The following MMACHC variants were observed in gnomAD, a reference collection of about 807,000 sequenced individuals.
The protein encoded by MMACHC is metabolism of cobalamin associated C.
A neutral mutation model predicts 17.6 loss-of-function variants in MMACHC; 14 were observed. The observed-to-expected ratio is 0.80, with a 90% CI of 0.53 to 1.25. The LOEUF is 1.25. Ranked by LOEUF, MMACHC falls within the 50% of genes most tolerant of loss-of-function variation. MMACHC has a pLI of 0.00. For missense variants in MMACHC, 392 were observed against 364.5 expected, an observed-to-expected ratio of 1.08 and a Z score of -0.62; for synonymous variants, 151 against 142.1, an observed-to-expected ratio of 1.06 and a Z score of -0.45.
chr1:45,507,563 C>G lies in MMACHC; in HGVS notation c.276+13C>G, dbSNP rs543041810. 3.7e-6 allele frequency: 6 copies of G among 1,613,850 alleles called. No homozygotes were observed. The African/African-American group carries it at 4.0e-5, about 11-fold the overall frequency. On this transcript the variant is annotated intron_variant, in intron 2 of 3. Transcript: ENST00000401061. Reference sequence around the variant, plus strand: ...CCGTGTTAGAGAGGTGAGGAAGGCTCAGTTTTCCCCCAGCTCCCAAACCTA... The same window carrying G: ...CCGTGTTAGAGAGGTGAGGAAGGCTGAGTTTTCCCCCAGCTCCCAAACCTA...
Position 45,507,349 on chromosome 1 carries a change from G to A in MMACHC, c.82-7G>A. 2.5e-6 allele frequency: 4 copies of A among 1,614,024 alleles called. No homozygotes were observed. The highest frequency in any genetic ancestry group is 3.4e-6 in the Non-Finnish European group (4 of 1,179,976). ...CTCTCCAGCCTGGCCTGAACTTTCT[G>A]TTTCAGGTGGCATGGTACAATGAAC... is the stretch of plus-strand genomic sequence containing the variant. On this transcript the variant is annotated splice_region_variant and splice_polypyrimidine_tract_variant and intron_variant, in intron 1 of 3. Coordinates refer to ENST00000401061, the MANE Select transcript of MMACHC (RefSeq NM_015506.3).
chr1:45,505,818 C>G (rs1418947014), intron 1 of MMACHC, among the ~76,000 whole-genome samples: 3 of 151,466 alleles, frequency 2.0e-5, no homozygotes, highest in African/African-American at 7.3e-5. Context: ...AGGGGAATCA[C>G]TTGAACCCGG....
rs1643666420 is a variant in MMACHC at position 45,508,297 on chromosome 1, C to T, written c.362C>T (p.Ala121Val). ...RRPKILAQTAAHVAGAAYYYQ... is the reference protein window; with the variant it reads ...RRPKILAQTAVHVAGAAYYYQ... ...CCCAAGATCCTGGCCCAGACAGCAGCCCATGTAGCTGGGGCTGCTTACTAC... is the reference window on the plus strand; with the variant it reads ...CCCAAGATCCTGGCCCAGACAGCAGTCCATGTAGCTGGGGCTGCTTACTAC... The change falls in exon 3 of 4, where the codon GCC becomes GTC. Residue 121 changes from alanine to valine, a missense_variant. Transcript: ENST00000401061. 7.4e-6 allele frequency: 12 copies of T among 1,614,200 alleles called. No individual in the cohort carries two copies. Among genetic ancestry groups the T allele is most frequent in the Non-Finnish European group, 1.0e-5 (12 of 1,180,040 alleles).
intron 1 of MMACHC, among the ~76,000 whole-genome samples, 187 bp downstream of exon 1, chr1:45,500,600 C>T (rs1427483702): frequency 6.6e-6 from 1 of 152,152 alleles, no homozygotes; most frequent in Non-Finnish European, 1.5e-5. Flanking sequence ...CATGGTGGCT[C>T]ACGCCTGTAA....
intron 2 of MMACHC, 104 bp from the exon 3 acceptor site, chr1:45,508,108 G>A: frequency 2.9e-6 from 4 of 1,400,886 alleles, no homozygotes; most frequent in Non-Finnish European, 3.0e-6. Context: ...TCCCTTCTGA[G>A]GACAGGACCA....
chr1:45,501,338 C>G (rs1643542547), intron 1 of MMACHC, among the ~76,000 whole-genome samples: 2 of 152,198 alleles, frequency 1.3e-5, no homozygotes, highest in Non-Finnish European at 1.5e-5. Context: ...GCTAAATCAG[C>G]TCAGCTTGAG....
rs780979789 is a variant in MMACHC at position 45,508,964 on chromosome 1, T to C, written c.598T>C (p.Trp200Arg). The C allele has an allele frequency of 6.2e-6, 10 of 1,614,178 alleles. No homozygotes were observed. The Admixed American group carries it at 1.3e-4, about 22-fold the overall frequency. The change falls in exon 4 of 4, where the codon TGG becomes CGG. Residue 200 changes from tryptophan (W) to arginine (R), a missense_variant. Coordinates refer to ENST00000401061, the MANE Select transcript of MMACHC (RefSeq NM_015506.3). Reference sequence around the variant, plus strand: ...CCTACTCGAAGGCTTCAATTTCCACTGGCGTGATTGGACTTACCGGGATGC... The same window carrying C: ...CCTACTCGAAGGCTTCAATTTCCACCGGCGTGATTGGACTTACCGGGATGC... The part of the protein sequence containing the change: ...IALLEGFNFH[W>R]RDWTYRDAVT...
At position 45,509,785 on chromosome 1, in the gene MMACHC, T is replaced by C. The variant is rs1433918305; in HGVS notation, c.*570T>C. On this transcript the variant is annotated 3_prime_UTR_variant, in exon 4 of 4. Transcript: ENST00000401061. ...CAGGGCCTAAGGGGCAAATATCCTC[T>C]AAAGAGTACCTACCAGCAGGGTGTG... The C allele has an allele frequency of 6.6e-6, 1 of 152,336 alleles. No homozygotes were observed. The highest frequency in any genetic ancestry group is 2.0e-4 in the East Asian group (1 of 5,110). The allele number at this position is 152,336 out of a possible 1,614,324, so 9.4% of individuals were successfully genotyped here. A position where few individuals can be genotyped will look rare whatever the true frequency, so the allele number is the denominator to read the frequency against.
rs933565487 is a variant in MMACHC, at chr1:45,513,177, G to A, written c.*3962G>A. The A allele has an allele frequency of 1.1e-4, 16 of 152,048 alleles. No individual in the cohort carries two copies. The highest frequency in any genetic ancestry group is 3.9e-4 in the African/African-American group (16 of 41,380). The allele number at this position is 152,048 out of a possible 1,614,324, so 9.4% of individuals were successfully genotyped here. A position where few individuals can be genotyped will look rare whatever the true frequency, so the allele number is the denominator to read the frequency against. ...AAATAAATAAAAATATGAACTATAT[G>A]GATTAACCTCTTCTCTCAATAAAGT... is the stretch of plus-strand genomic sequence containing the variant. On this transcript the variant is annotated 3_prime_UTR_variant, in exon 4 of 4. Coordinates refer to ENST00000401061, the MANE Select transcript of MMACHC (RefSeq NM_015506.3).
chr1:45,501,218 C>T (rs889314926), intron 1 of MMACHC, among the ~76,000 whole-genome samples: 2 of 152,168 alleles, frequency 1.3e-5, no homozygotes, highest in Admixed American at 1.3e-4. Context: ...GGTAATGAAA[C>T]TTTGTACACT....
chr1:45,501,360 A>G (rs1643542911), intron 1 of MMACHC, among the ~76,000 whole-genome samples: 1 of 152,200 alleles, frequency 6.6e-6, no homozygotes, highest in African/African-American at 2.4e-5. Flanking sequence ...CCTTTGCCTG[A>G]TGCTTAAGAG....
In MMACHC at chr1:45,509,176, C is replaced by T. The variant is rs778330842; in HGVS notation, c.810C>T (p.Leu270=). Residue 270 remains leucine (L), a synonymous_variant, in exon 4 of 4, where the codon CTC becomes CTT. Coordinates refer to ENST00000401061, the MANE Select transcript of MMACHC (RefSeq NM_015506.3). ...ATCCCAGCAGAGCCCGGAGCTGGCT[C>T]AGCCCCAGGGTCTCACCACCTGCAT... ...PGNPSRARSW[L]SPRVSPPASP... The T allele has an allele frequency of 1.9e-6, 3 of 1,613,920 alleles. No homozygotes were observed. The African/African-American group carries it at 4.0e-5, about 22-fold the overall frequency.
chr1:45,508,674 C>G, intron 3 of MMACHC, 122 bp from the exon 4 acceptor site: 4 of 1,197,994 alleles, frequency 3.3e-6, no homozygotes, highest in Non-Finnish European at 3.5e-6. Flanking sequence ...AAGAAAAGGA[C>G]AGAGGTTTAT....
Position 45,509,313 on chromosome 1 carries a change from A to T in MMACHC, c.*98A>T. ...TTTGAGTACAAGATTACTATTTTTG[A>T]TAATATAGTAGAGATCTTCCATGAA... On this transcript the variant is annotated 3_prime_UTR_variant, in exon 4 of 4. Transcript: ENST00000401061. The T allele has an allele frequency of 7.2e-7, 1 of 1,383,498 alleles. No individual in the cohort carries two copies. Among genetic ancestry groups the T allele is most frequent in the Non-Finnish European group, 1.0e-6 (1 of 979,882 alleles). 85.7% of individuals were successfully genotyped at this position (1,383,498 alleles called of 1,614,324 possible).
chr1:45,509,605 G>T lies in MMACHC; in HGVS notation c.*390G>T. On this transcript the variant is annotated 3_prime_UTR_variant, in exon 4 of 4. Coordinates refer to ENST00000401061, the MANE Select transcript of MMACHC (RefSeq NM_015506.3). ...TTTTTTGTATTTTTAGTAGAGATGG[G>T]GTTTCATCATATTGGCCAGGCTGGT... The T allele has an allele frequency of 5.5e-6, 1 of 181,894 alleles. No homozygotes were observed. Among genetic ancestry groups the T allele is most frequent in the Non-Finnish European group, 1.1e-5 (1 of 87,712 alleles). 11.3% of individuals were successfully genotyped at this position (181,894 alleles called of 1,614,324 possible).
intron 1 of MMACHC, among the ~76,000 whole-genome samples, chr1:45,506,404 T>G (rs1299114101): frequency 1.3e-5 from 2 of 152,222 alleles, no homozygotes; most frequent in Non-Finnish European, 2.9e-5. Context: ...ACTGTTCCTA[T>G]GCCCTCATGC....
chr1:45,502,706 CTTT>C (rs777142658), intron 1 of MMACHC, among the ~76,000 whole-genome samples: 7 of 139,604 alleles, frequency 5.0e-5, no homozygotes, highest in Admixed American at 1.4e-4. Flanking sequence ...CTTTTCTTTT[CTTT>C]TTTTTTTTTT....
chr1:45,509,716 C>G lies in MMACHC; in HGVS notation c.*501C>G, dbSNP rs1258881960. ...AATGAGCCACCGCACCCAGCCAAGA[C>G]TCTATCTGTTCCCATTTCTAAGCAG... On this transcript the variant is annotated 3_prime_UTR_variant, in exon 4 of 4. Coordinates refer to ENST00000401061, the MANE Select transcript of MMACHC (RefSeq NM_015506.3). The G allele has an allele frequency of 1.0e-4, 16 of 158,382 alleles. No individual in the cohort carries two copies. The highest frequency in any genetic ancestry group is 1.0e-3 in the Admixed American group (16 of 15,992). The allele number at this position is 158,382 out of a possible 1,614,324, so 9.8% of individuals were successfully genotyped here.
rs1557609475 is a variant in MMACHC, at chr1:45,509,415, A to AT, written c.*200_*201insT. 69 of 245,568 alleles carry AT rather than the reference A, an allele frequency of 2.8e-4. 1 individual carries two copies. In the African/African-American group the frequency reaches 4.1e-3, roughly 14 times the overall value. 15.2% of individuals were successfully genotyped at this position (245,568 alleles called of 1,614,324 possible). ...CAGAATTCCCATCTGCCTTCAAATGAGTTTTTTTTTTTTTTTTAGACAGAG... is the reference window on the plus strand; with the variant it reads ...CAGAATTCCCATCTGCCTTCAAATGATGTTTTTTTTTTTTTTTTAGACAGAG... On this transcript the variant is annotated 3_prime_UTR_variant, in exon 4 of 4. Coordinates refer to ENST00000401061, the MANE Select transcript of MMACHC (RefSeq NM_015506.3).
Sources: gnomAD v4.1 joint callset for allele counts (sites outside exome capture counted in the v4.1 genomes callset) on GRCh38, gnomAD v4.1.1 for gene constraint, MANE v1.5 for transcripts, NCBI Gene and HGNC (gene_info 2026-07-23, HGNC 2026-07-21) for gene names.